Variants in MICU2 observed in about 807,000 individuals in gnomAD.
MICU2 encodes calcium uptake protein 2, mitochondrial.
MICU2 carries 64 observed loss-of-function variants against 60.4 expected under a neutral mutation model. The ratio of observed to expected loss-of-function variants is 1.06; its 90% confidence interval spans 0.87 to 1.31. MICU2 has a LOEUF of 1.31. Among genes scored for constraint, MICU2 ranks in the 50% most tolerant of loss-of-function variants. The pLI is 0.00. For missense variants in MICU2, 569 were observed against 531.0 expected (o/e 1.07, Z -0.70); for synonymous variants, 201 against 175.0 (o/e 1.15, Z -1.17).
chr13:21,580,825 G>A (rs1888332409), intron 1 of MICU2, among the ~76,000 whole-genome samples: 1 of 152,118 alleles, frequency 6.6e-6, no homozygotes, highest in Non-Finnish European at 1.5e-5. Context: ...CTTACAGGCT[G>A]GAGGATGAAT....
intron 1 of MICU2, among the ~76,000 whole-genome samples, chr13:21,595,045 CTTTAT>C (rs1023893623): frequency 1.5e-4 from 23 of 152,210 alleles, no homozygotes; most frequent in African/African-American, 2.2e-4. Flanking sequence ...AAATTAGAAA[CTTTAT>C]TTTAAGAATA....
chr13:21,501,905 C>T (rs894147569), intron 9 of MICU2, among the ~76,000 whole-genome samples: 3 of 152,152 alleles, frequency 2.0e-5, no homozygotes, highest in Non-Finnish European at 4.4e-5. Context: ...ACAGAGACTC[C>T]TATCAGCCCA....
At chr13:21,554,510 A>G (rs1887653207) in intron 2 of MICU2, among the ~76,000 whole-genome samples, 2 of 152,186 alleles carry the variant, frequency 1.3e-5, no homozygotes, top group South Asian at 4.1e-4. Flanking sequence ...ACATACCAGA[A>G]TCTCTGGGAC....
intron 11 of MICU2, among the ~76,000 whole-genome samples, chr13:21,494,599 T>C (rs1885943696): frequency 6.6e-6 from 1 of 152,224 alleles, no homozygotes; most frequent in Admixed American, 6.5e-5. Context: ...ATTAAGTGGC[T>C]TTGCAAGATT....
intron 8 of MICU2, among the ~76,000 whole-genome samples, chr13:21,507,766 G>A (rs1284035808): frequency 6.6e-6 from 1 of 151,824 alleles, no homozygotes; most frequent in Non-Finnish European, 1.5e-5. Flanking sequence ...ACCTCGCCCG[G>A]CTAATTTTTG....
chr13:21,500,031 C>A (rs1886105479), intron 9 of MICU2, among the ~76,000 whole-genome samples: 1 of 152,002 alleles, frequency 6.6e-6, no homozygotes, highest in African/African-American at 2.4e-5. Context: ...CCCACTGCAG[C>A]AAAGCTCAGG....
intron 2 of MICU2, among the ~76,000 whole-genome samples, chr13:21,548,921 G>GTT (rs34908034): frequency 0.027 from 2,283 of 86,090 alleles, 11 homozygotes; most frequent in East Asian, 0.093. Context: ...AAGTTTGAGA[G>GTT]TTTTTTTTTT....
chr13:21,600,865 C>T (rs999234321), intron 1 of MICU2, among the ~76,000 whole-genome samples: 2 of 152,134 alleles, frequency 1.3e-5, no homozygotes, highest in African/African-American at 4.8e-5. Context: ...GGCAGGATCT[C>T]GGCTCCCTGC....
intron 9 of MICU2, among the ~76,000 whole-genome samples, chr13:21,501,297 C>T (rs1886145450): frequency 6.6e-6 from 1 of 150,908 alleles, no homozygotes; most frequent in South Asian, 2.1e-4. Flanking sequence ...GAGTCTTGCT[C>T]TGTCACCCAG....
At chr13:21,538,580 A>AAG (rs3070113) in intron 4 of MICU2, among the ~76,000 whole-genome samples, 3 of 149,422 alleles carry the variant, frequency 2.0e-5, no homozygotes, top group African/African-American at 7.4e-5. Context: ...AAAAAAAAAA[A>AAG]CCCCAAACAA....
At chr13:21,527,526 T>A (rs1886887381) in intron 4 of MICU2, among the ~76,000 whole-genome samples, 1 of 152,190 alleles carries the variant, frequency 6.6e-6, no homozygotes, top group Non-Finnish European at 1.5e-5. Flanking sequence ...TCAAGGTGGG[T>A]TACAAATAAA....
rs372460895 is a variant in MICU2, at chr13:21,591,260, CAAAGACAAAA to C, written c.210+12669_210+12678del. 2.4e-3 allele frequency among the ~76,000 whole-genome samples: 358 copies of C among 150,476 alleles called. 3 individuals carry two copies. The highest frequency in any genetic ancestry group is 8.0e-3 in the African/African-American group (326 of 40,964). On this transcript the variant is annotated intron_variant, in intron 1 of 11. Coordinates refer to ENST00000382374, the MANE Select transcript of MICU2 (RefSeq NM_152726.3). ...TCTGACAAAACAGACCTTAAATCAA[CAAAGACAAAA>C]AAAGACAAAGAAGGGCATTACATAA... is the stretch of plus-strand genomic sequence containing the variant.
chr13:21,539,495 G>A (rs778817593), intron 3 of MICU2, 118 bp from the exon 4 acceptor site: 2 of 1,308,224 alleles, frequency 1.5e-6, no homozygotes, highest in Non-Finnish European at 2.2e-6. Context: ...TAGACACAGG[G>A]CTTCACTGTG....
intron 2 of MICU2, among the ~76,000 whole-genome samples, chr13:21,555,942 C>A (rs1887697828): frequency 6.6e-6 from 1 of 152,180 alleles, no homozygotes; most frequent in African/African-American, 2.4e-5. Context: ...TCCCTCTTGT[C>A]TTCACAAGGA....
In MICU2 at chr13:21,514,389, G is replaced by A. The variant is rs1298234614; in HGVS notation, c.627C>T (p.Asp209=). The A allele has an allele frequency of 9.3e-6, 15 of 1,613,352 alleles. No individual in the cohort carries two copies. The highest frequency in any genetic ancestry group is 1.3e-5 in the Non-Finnish European group (15 of 1,179,626). ...TTTCATTAGTTTTCACTGTCATCAA[G>A]TCATCTTGTTTACTTATGATCTTCT... ...KLQKIISKQD[D]LMTVKTNETG... The change falls in exon 7 of 12, where the codon GAC becomes GAT. Residue 209 remains aspartate, a synonymous_variant. Coordinates refer to ENST00000382374, the MANE Select transcript of MICU2 (RefSeq NM_152726.3).
chr13:21,583,294 A>T (rs1267311137), intron 1 of MICU2, among the ~76,000 whole-genome samples: 1 of 152,364 alleles, frequency 6.6e-6, no homozygotes, highest in African/African-American at 2.4e-5. Flanking sequence ...TATTAAATAA[A>T]TAAACATGCT....
chr13:21,539,225 C>G, intron 4 of MICU2, 77 bp downstream of exon 4: 1 of 1,300,036 alleles, frequency 7.7e-7, no homozygotes, highest in Non-Finnish European at 1.1e-6. Flanking sequence ...TGGTACAAAT[C>G]TCATACCTTA....
intron 1 of MICU2, among the ~76,000 whole-genome samples, chr13:21,584,388 CAAAA>C (rs369331807): frequency 1.6e-4 from 17 of 103,432 alleles, no homozygotes; most frequent in Non-Finnish European, 2.7e-4. Flanking sequence ...GACTCCATCT[CAAAA>C]AAAAAAAAAA....
intron 1 of MICU2, among the ~76,000 whole-genome samples, chr13:21,581,671 T>G (rs183360276): frequency 6.6e-6 from 1 of 152,272 alleles, no homozygotes; most frequent in Non-Finnish European, 1.5e-5. Flanking sequence ...ATATAGTTAA[T>G]GAAGTTTAAA....
Sources: gnomAD v4.1 joint callset for allele counts (sites outside exome capture counted in the v4.1 genomes callset) on GRCh38, gnomAD v4.1.1 for gene constraint, MANE v1.5 for transcripts, NCBI Gene and HGNC (gene_info 2026-07-23, HGNC 2026-07-21) for gene names.